The following C8orf34 variants were observed in gnomAD, a reference collection of about 807,000 sequenced individuals.
C8orf34 encodes the protein uncharacterized protein C8orf34.
Under a neutral mutation model 68.3 loss-of-function variants are expected in C8orf34, and 65 were observed. That is an observed-to-expected ratio of 0.95 (90% CI 0.78 to 1.17). The LOEUF (loss-of-function observed/expected upper bound fraction) is 1.17, where lower values mean the gene tolerates loss of function less well. C8orf34 is among the 50% of genes most tolerant of loss of function. The probability of loss-of-function intolerance (pLI) is 0.00; values close to 1 mark genes in which losing one functional copy is unlikely to be tolerated. For missense variants in C8orf34, 664 were observed against 655.4 expected, an observed-to-expected ratio of 1.01 and a Z score of -0.14; for synonymous variants, 244 against 241.2, an observed-to-expected ratio of 1.01 and a Z score of -0.11.
chr8:68,573,184 A>T (rs1280170845), intron 7 of C8orf34, among the ~76,000 whole-genome samples: 1 of 152,072 alleles, frequency 6.6e-6, no homozygotes, highest in Non-Finnish European at 1.5e-5. Context: ...GTGTTATTGT[A>T]TAGTGCCTCC....
chr8:68,730,447 C>T (rs1429269947), intron 10 of C8orf34, among the ~76,000 whole-genome samples: 3 of 151,922 alleles, frequency 2.0e-5, no homozygotes, highest in Non-Finnish European at 4.4e-5. Flanking sequence ...ATTTTGGGAT[C>T]TGGTGGGATT....
intron 3 of C8orf34, among the ~76,000 whole-genome samples, chr8:68,466,765 A>ATG (rs1242128072): frequency 4.1e-5 from 5 of 123,318 alleles, no homozygotes; most frequent in African/African-American, 9.4e-5. Context: ...ATATATATAT[A>ATG]GATGCTTTCA....
chr8:68,549,323 A>T (rs901888691), intron 7 of C8orf34, among the ~76,000 whole-genome samples: 2 of 151,880 alleles, frequency 1.3e-5, no homozygotes, highest in Admixed American at 6.6e-5. Context: ...ATGTTTGTTC[A>T]CAAAGGAAAC....
chr8:68,559,017 G>A (rs1395232300), intron 7 of C8orf34, among the ~76,000 whole-genome samples: 1 of 152,204 alleles, frequency 6.6e-6, no homozygotes, highest in Non-Finnish European at 1.5e-5. Context: ...AAGATCTTGA[G>A]TTAGAAAGGT....
At chr8:68,756,630 T>C (rs1357542859) in intron 10 of C8orf34, among the ~76,000 whole-genome samples, 1 of 152,192 alleles carries the variant, frequency 6.6e-6, no homozygotes, top group African/African-American at 2.4e-5. Context: ...GTTTGTTTAG[T>C]TTTGCTTTTT....
chr8:68,435,419 C>T (rs942539650), intron 1 of C8orf34, among the ~76,000 whole-genome samples: 2 of 152,066 alleles, frequency 1.3e-5, no homozygotes, highest in South Asian at 4.2e-4. Flanking sequence ...GGGGGTATCA[C>T]CAAAAGTCAG....
At position 68,468,779 on chromosome 8, in the gene C8orf34, A is replaced by G; in HGVS notation, c.695A>G (p.Glu232Gly). Residue 232 changes from glutamate (E) to glycine (G), a missense_variant, in exon 4 of 14, where the codon GAG becomes GGG. Transcript: ENST00000518698. ...GATGAATTGAATCACATCCTTCAGG[A>G]GAGCAAGAAGCTGGGGAAAGCCCTT... ...DFDELNHILQ[E>G]SKKLGKALEN... 1 of 1,612,374 alleles carries G rather than the reference A, an allele frequency of 6.2e-7. No individual in the cohort carries two copies. The highest frequency in any genetic ancestry group is 8.5e-7 in the Non-Finnish European group (1 of 1,179,042).
At chr8:68,475,831 A>G (rs1038078214) in intron 4 of C8orf34, among the ~76,000 whole-genome samples, 2 of 152,100 alleles carry the variant, frequency 1.3e-5, no homozygotes, top group African/African-American at 2.4e-5. Context: ...CTGTGATGTG[A>G]GGTAGTGGTG....
At chr8:68,350,222 A>T (rs1259965186) in intron 1 of C8orf34, among the ~76,000 whole-genome samples, 1 of 150,014 alleles carries the variant, frequency 6.7e-6, no homozygotes, top group Non-Finnish European at 1.5e-5. Flanking sequence ...TTCATTACTT[A>T]TCCATGTAAC....
intron 8 of C8orf34, among the ~76,000 whole-genome samples, chr8:68,649,328 T>C (rs1819274540): frequency 6.6e-6 from 1 of 152,206 alleles, no homozygotes; most frequent in Non-Finnish European, 1.5e-5. Context: ...GAAATACAAA[T>C]GAATACCTCT....
intron 7 of C8orf34, among the ~76,000 whole-genome samples, chr8:68,557,662 G>A (rs752224686): frequency 2.4e-4 from 36 of 152,042 alleles, no homozygotes; most frequent in Admixed American, 9.2e-4. Context: ...AACAAAAAAT[G>A]TGCCTTTATC....
At chr8:68,471,574 C>G (rs184266097) in intron 4 of C8orf34, among the ~76,000 whole-genome samples, 1 of 152,034 alleles carries the variant, frequency 6.6e-6, no homozygotes, top group African/African-American at 2.4e-5. Context: ...CTTGTTAACT[C>G]TTTTTCTATG....
At chr8:68,581,888 G>T (rs79755196) in intron 7 of C8orf34, among the ~76,000 whole-genome samples, 368 of 152,248 alleles carry the variant, frequency 2.4e-3, no homozygotes, top group African/African-American at 7.9e-3. Context: ...ATGCAAGAGA[G>T]TCTCAGTAAA....
chr8:68,745,128 C>G (rs1163248271), intron 10 of C8orf34, among the ~76,000 whole-genome samples: 2 of 151,964 alleles, frequency 1.3e-5, no homozygotes, highest in East Asian at 3.9e-4. Context: ...CATATCCAGC[C>G]AAACTAAGCT....
At chr8:68,381,735 T>C in intron 1 of C8orf34, among the ~76,000 whole-genome samples, 1 of 16,344 alleles carries the variant, frequency 6.1e-5, no homozygotes, top group East Asian at 8.9e-4. Context: ...CGAGACTCCG[T>C]CTCAAAAAAA....
At chr8:68,485,430 C>T (rs1016099660) in intron 4 of C8orf34, among the ~76,000 whole-genome samples, 2 of 151,894 alleles carry the variant, frequency 1.3e-5, no homozygotes, top group African/African-American at 4.8e-5. Flanking sequence ...ATTAAGAGAT[C>T]GGGCCAGGTG....
intron 8 of C8orf34, among the ~76,000 whole-genome samples, chr8:68,697,028 C>T (rs1820853689): frequency 6.6e-6 from 1 of 151,952 alleles, no homozygotes; most frequent in Non-Finnish European, 1.5e-5. Context: ...TTTCTCCATC[C>T]TTTAACTTTT....
intron 7 of C8orf34, among the ~76,000 whole-genome samples, chr8:68,605,050 C>A (rs917284063): frequency 1.3e-5 from 2 of 152,056 alleles, no homozygotes; most frequent in Admixed American, 6.6e-5. Flanking sequence ...GACCAAAGAT[C>A]TTAACAGATA....
intron 7 of C8orf34, among the ~76,000 whole-genome samples, chr8:68,621,666 G>T (rs912120440): frequency 6.6e-6 from 1 of 152,216 alleles, no homozygotes; most frequent in East Asian, 1.9e-4. Context: ...GAATGCCCAG[G>T]TGTCTTAAGA....
Sources: gnomAD v4.1 joint callset for allele counts (sites outside exome capture counted in the v4.1 genomes callset) on GRCh38, gnomAD v4.1.1 for gene constraint, MANE v1.5 for transcripts, NCBI Gene and HGNC (gene_info 2026-07-23, HGNC 2026-07-21) for gene names.